The following CCDC141 variants were observed in gnomAD, a reference collection of about 807,000 sequenced individuals.
The protein encoded by CCDC141 is coiled-coil domain-containing protein 141.
A neutral mutation model predicts 181.0 loss-of-function variants in CCDC141; 168 were observed. The observed-to-expected ratio is 0.93, with a 90% confidence interval of 0.82 to 1.05. The LOEUF is 1.05. Among genes scored for constraint, CCDC141 ranks in the 50% least tolerant of loss-of-function variants. CCDC141 has a pLI of 0.00. For missense variants in CCDC141, 1,902 were observed against 1,788.5 expected, an observed-to-expected ratio of 1.06 and a Z score of -1.14; for synonymous variants, 666 against 642.3, an observed-to-expected ratio of 1.04 and a Z score of -0.56.
intron 5 of CCDC141, among the ~76,000 whole-genome samples, chr2:178,948,933 T>C (rs548748240): frequency 2.0e-5 from 3 of 152,312 alleles, no homozygotes; most frequent in African/African-American, 4.8e-5. Flanking sequence ...AGGTGTTCCT[T>C]TGTAGCAATG....
At chr2:179,019,611 T>G (rs74494729) in intron 2 of CCDC141, among the ~76,000 whole-genome samples, 3,498 of 152,236 alleles carry the variant, frequency 0.023, 98 homozygotes, top group African/African-American at 0.074. Context: ...TTGCCTCATA[T>G]CAAAAGTAAA....
At chr2:178,879,230 G>C (rs914166217) in intron 11 of CCDC141, among the ~76,000 whole-genome samples, 6 of 152,182 alleles carry the variant, frequency 3.9e-5, no homozygotes, top group Non-Finnish European at 7.4e-5. Context: ...ACACAAGTTT[G>C]TATGCATTTT....
chr2:178,981,636 G>GTGTA (rs1313433628), intron 2 of CCDC141, among the ~76,000 whole-genome samples: 47 of 62,394 alleles, frequency 7.5e-4, no homozygotes, highest in African/African-American at 1.7e-3. Flanking sequence ...GTGTGTGTGT[G>GTGTA]TATATATATA....
At chr2:178,980,018 T>G (rs1691298503) in intron 2 of CCDC141, among the ~76,000 whole-genome samples, 1 of 151,898 alleles carries the variant, frequency 6.6e-6, no homozygotes, top group African/African-American at 2.4e-5. Flanking sequence ...ATAAACAAAT[T>G]AAGGGGGATA....
chr2:178,964,319 T>G (rs1690527443), intron 4 of CCDC141, among the ~76,000 whole-genome samples: 1 of 152,150 alleles, frequency 6.6e-6, no homozygotes, highest in Non-Finnish European at 1.5e-5. Context: ...CAACAGGGTC[T>G]CCACAGGGTT....
chr2:178,819,443 A>C, the CCDC141 span, among the ~76,000 whole-genome samples: 1 of 152,230 alleles, frequency 6.6e-6, no homozygotes, highest in Non-Finnish European at 1.5e-5. Context: ...AATAAGAAAA[A>C]GTTTCAATAA....
chr2:178,854,360 TAA>T (rs942417642), intron 19 of CCDC141, among the ~76,000 whole-genome samples: 2 of 151,910 alleles, frequency 1.3e-5, no homozygotes, highest in Admixed American at 6.6e-5. Context: ...CCATCTCTAC[TAA>T]AAGTACAAAA....
chr2:178,905,216 T>C, intron 8 of CCDC141, 113 bp downstream of exon 8: 1 of 973,186 alleles, frequency 1.0e-6, no homozygotes, highest in Non-Finnish European at 1.5e-6. Context: ...AGCCATATCA[T>C]AATGCAGCAA....
At chr2:178,844,962 T>A (rs994274388) in intron 22 of CCDC141, among the ~76,000 whole-genome samples, 7 of 152,208 alleles carry the variant, frequency 4.6e-5, no homozygotes, top group Middle Eastern at 3.2e-3. Flanking sequence ...TGAAAAACCA[T>A]CTTGATGTTG....
chr2:178,935,620 A>G (rs1163757362), intron 6 of CCDC141, among the ~76,000 whole-genome samples: 1 of 152,104 alleles, frequency 6.6e-6, no homozygotes, highest in African/African-American at 2.4e-5. Context: ...AATGATTTAT[A>G]TTCCTCTGGG....
chr2:178,884,423 A>G (rs1275618166), intron 11 of CCDC141, among the ~76,000 whole-genome samples: 2 of 152,204 alleles, frequency 1.3e-5, no homozygotes, highest in African/African-American at 4.8e-5. Context: ...ACTTTATCTT[A>G]TGTAAAATAT....
intron 2 of CCDC141, among the ~76,000 whole-genome samples, chr2:178,999,196 C>T (rs1398637088): frequency 6.6e-6 from 1 of 152,108 alleles, no homozygotes; most frequent in East Asian, 1.9e-4. Context: ...ACAAATAGAT[C>T]ATGTCTTCTT....
At chr2:178,912,766 A>G (rs1240872730) in intron 7 of CCDC141, among the ~76,000 whole-genome samples, 1 of 152,206 alleles carries the variant, frequency 6.6e-6, no homozygotes, top group African/African-American at 2.4e-5. Flanking sequence ...TGATCTCCCC[A>G]CCTGCTTCTA....
intron 7 of CCDC141, among the ~76,000 whole-genome samples, chr2:178,906,115 T>C (rs1687956954): frequency 1.3e-5 from 2 of 152,218 alleles, no homozygotes; most frequent in Admixed American, 6.5e-5. Flanking sequence ...CAAGGTAATA[T>C]TTAGCTTCTG....
intron 6 of CCDC141, among the ~76,000 whole-genome samples, chr2:178,941,549 G>T (rs1428210649): frequency 6.6e-6 from 1 of 152,014 alleles, no homozygotes; most frequent in Non-Finnish European, 1.5e-5. Flanking sequence ...TAAGATTGAT[G>T]GCTCTATAGC....
intron 6 of CCDC141, among the ~76,000 whole-genome samples, chr2:178,923,011 G>A (rs1688758528): frequency 6.6e-6 from 1 of 152,042 alleles, no homozygotes; most frequent in South Asian, 2.1e-4. Flanking sequence ...GCAATCTATA[G>A]GCAGTTTCTG....
chr2:178,944,419 A>C, intron 6 of CCDC141, 116 bp downstream of exon 6: 2 of 453,326 alleles, frequency 4.4e-6, no homozygotes, highest in Non-Finnish European at 7.7e-6. Flanking sequence ...TTTTACATGA[A>C]CAGTAGATTA....
intron 23 of CCDC141, 71 bp from the exon 24 acceptor site, chr2:178,834,511 C>T (rs1684395218): frequency 1.4e-6 from 2 of 1,478,950 alleles, no homozygotes; most frequent in Non-Finnish European, 1.8e-6. Context: ...TCTAATAATG[C>T]TTGCAAATAG....
intron 4 of CCDC141, among the ~76,000 whole-genome samples, chr2:178,973,587 G>A (rs1181173126): frequency 1.3e-5 from 2 of 152,126 alleles, no homozygotes; most frequent in East Asian, 1.9e-4. Context: ...ACTTGAAGGA[G>A]CCAACAGCAG....
Sources: gnomAD v4.1 joint callset for allele counts (sites outside exome capture counted in the v4.1 genomes callset) on GRCh38, gnomAD v4.1.1 for gene constraint, MANE v1.5 for transcripts, NCBI Gene and HGNC (gene_info 2026-07-23, HGNC 2026-07-21) for gene names.